The following NCF2 variants were observed in gnomAD, a reference collection of about 807,000 sequenced individuals.
The protein encoded by NCF2 is neutrophil cytosolic factor 2, also known as neutrophil cytosol factor 2.
A neutral mutation model predicts 70.9 loss-of-function variants in NCF2; 45 were observed. The observed-to-expected ratio is 0.63, with a 90% CI of 0.50 to 0.81. The LOEUF (loss-of-function observed/expected upper bound fraction) is 0.81. NCF2 is among the 40% of genes least tolerant of loss of function. NCF2 has a pLI of 0.00. For synonymous variants in NCF2, 203 were observed against 233.6 expected, an observed-to-expected ratio of 0.87 and a Z score of 1.19; for missense variants, 522 against 631.6, an observed-to-expected ratio of 0.83 and a Z score of 1.86.
At chr1:183,601,385 T>C in the NCF2 span, among the ~76,000 whole-genome samples, 1 of 152,248 alleles carries the variant, frequency 6.6e-6, no homozygotes, top group Non-Finnish European at 1.5e-5. Flanking sequence ...GTGAGGAATG[T>C]TCTTGTATAT....
Position 183,563,177 on chromosome 1 carries a change from G to GC in NCF2, c.1290+17dup. 2 of 1,604,912 alleles carry GC rather than the reference G, an allele frequency of 1.2e-6. No individual in the cohort carries two copies. Among genetic ancestry groups the GC allele is most frequent in the Non-Finnish European group, 1.7e-6 (2 of 1,171,594 alleles). On this transcript the variant is annotated intron_variant, in intron 13 of 14. Coordinates refer to ENST00000367535, the MANE Select transcript of NCF2 (RefSeq NM_000433.4). The stretch of plus-strand genomic sequence containing the variant: ...GCTCAGTGGAAATGTAACTTTAGAT[G>GC]CCCCTCATTGCACTCACCACTGTGT...
intron 4 of NCF2, among the ~76,000 whole-genome samples, chr1:183,574,037 C>T (rs1672689142): frequency 6.6e-6 from 1 of 152,242 alleles, no homozygotes; most frequent in Non-Finnish European, 1.5e-5. Flanking sequence ...CTGCAGTGAG[C>T]TGAGATCACA....
rs758239702 is a variant in NCF2 at position 183,573,266 on chromosome 1, C to T, written c.528G>A (p.Val176=). 50 of 1,614,048 alleles carry T rather than the reference C, an allele frequency of 3.1e-5. No individual in the cohort carries two copies. Among genetic ancestry groups the T allele is most frequent in the Non-Finnish European group, 4.2e-5 (49 of 1,180,006 alleles). ...GTCGAAACAGCTTGCCCACAGGGAT[C>T]ACCACTGGCTCATATAGCTTCTGCT... The part of the protein sequence containing the change: ...VWKQKLYEPV[V]IPVGKLFRPN... Residue 176 remains valine (V), a synonymous_variant, in exon 5 of 15, where the codon GTG becomes GTA. Coordinates refer to ENST00000367535, the MANE Select transcript of NCF2 (RefSeq NM_000433.4).
the NCF2 span, among the ~76,000 whole-genome samples, chr1:183,599,912 C>G: frequency 6.6e-6 from 1 of 152,020 alleles, no homozygotes; most frequent in Non-Finnish European, 1.5e-5. Context: ...TGCCATCTAC[C>G]AATATCAGTA....
At chr1:183,561,007 A>G (rs1672020443) in intron 13 of NCF2, among the ~76,000 whole-genome samples, 2 of 152,224 alleles carry the variant, frequency 1.3e-5, no homozygotes, top group South Asian at 4.1e-4. Flanking sequence ...CTGAAGGTGA[A>G]TCCTGCAATC....
At position 183,556,111 on chromosome 1, in the gene NCF2, A is replaced by G. The variant is rs370795833; in HGVS notation, c.*7T>C. On this transcript the variant is annotated 3_prime_UTR_variant, in exon 15 of 15. Coordinates refer to ENST00000367535, the MANE Select transcript of NCF2 (RefSeq NM_000433.4). Reference sequence around the variant, plus strand: ...ATTTTCTTCAGCTTTGTAGTTTGTGAAACATCCTAGACTTCTCTCCGAGTG... The same window carrying G: ...ATTTTCTTCAGCTTTGTAGTTTGTGGAACATCCTAGACTTCTCTCCGAGTG... 3.7e-6 allele frequency: 6 copies of G among 1,611,476 alleles called. No homozygotes were observed.
At chr1:183,564,131 C>G in intron 10 of NCF2, 101 bp from the exon 11 acceptor site, 1 of 1,151,622 alleles carries the variant, frequency 8.7e-7, no homozygotes, top group South Asian at 1.2e-5. Context: ...AATAGGGCCC[C>G]CAACCTCTTA....
chr1:183,589,283 C>T (rs1218653018), intron 1 of NCF2, among the ~76,000 whole-genome samples: 2 of 152,184 alleles, frequency 1.3e-5, no homozygotes, highest in Non-Finnish European at 2.9e-5. Context: ...AACTCTTATA[C>T]AGTGGTGTGA....
chr1:183,573,840 TG>T (rs763373300), intron 4 of NCF2, among the ~76,000 whole-genome samples: 19 of 152,220 alleles, frequency 1.2e-4, no homozygotes, highest in Admixed American at 1.1e-3. Context: ...CTGTAATCCC[TG>T]CACTTTGGGA....
chr1:183,599,425 T>TCTTTCTTTCTTTCTTTCTTTCTTTCTTTC, the NCF2 span, among the ~76,000 whole-genome samples: 6 of 75,956 alleles, frequency 7.9e-5, 1 homozygote, highest in African/African-American at 2.7e-4. Flanking sequence ...TTTCTTTCCT[T>TCTTTCTTTCTTTCTTTCTTTCTTTCTTTC]CTTTCTTTCT....
chr1:183,555,975 A>T lies in NCF2; in HGVS notation c.*143T>A. On this transcript the variant is annotated 3_prime_UTR_variant, in exon 15 of 15. Transcript: ENST00000367535. ...ATCCTGGGTACTCACATCATTGTCT[A>T]GTAGGTTAAATTTTAACAGGGAATA... The T allele has an allele frequency of 2.7e-6, 2 of 749,402 alleles. No individual in the cohort carries two copies. Among genetic ancestry groups the T allele is most frequent in the Non-Finnish European group, 4.7e-6 (2 of 427,440 alleles). 46.4% of individuals were successfully genotyped at this position (749,402 alleles called of 1,614,324 possible).
chr1:183,588,559 A>C (rs978210903), intron 1 of NCF2, among the ~76,000 whole-genome samples: 2 of 151,950 alleles, frequency 1.3e-5, no homozygotes, highest in African/African-American at 4.8e-5. Flanking sequence ...ATTCCTATGA[A>C]TGTATTGAAC....
intron 1 of NCF2, among the ~76,000 whole-genome samples, chr1:183,589,182 G>C (rs1673521825): frequency 6.6e-6 from 1 of 152,204 alleles, no homozygotes; most frequent in South Asian, 2.1e-4. Flanking sequence ...TACTGTTGGA[G>C]TGTGGAAGGG....
At chr1:183,581,566 C>G (rs1055506838) in intron 2 of NCF2, among the ~76,000 whole-genome samples, 1 of 151,906 alleles carries the variant, frequency 6.6e-6, no homozygotes, top group Non-Finnish European at 1.5e-5. Context: ...TGGGTTCAAG[C>G]AATCCTCCCA....
Position 183,573,304 on chromosome 1 carries a change from A to G in NCF2, c.502-12T>C. The G allele has an allele frequency of 1.2e-6, 2 of 1,610,764 alleles. No individual in the cohort carries two copies. Among genetic ancestry groups the G allele is most frequent in the Non-Finnish European group, 1.7e-6 (2 of 1,176,916 alleles). ...TATAGCTTCTGCTTCTGTAACACAG[A>G]AAACGTAGCATTCCCTTATGTGAAA... is the stretch of plus-strand genomic sequence containing the variant. On this transcript the variant is annotated splice_polypyrimidine_tract_variant and intron_variant, in intron 4 of 14. Coordinates refer to ENST00000367535, the MANE Select transcript of NCF2 (RefSeq NM_000433.4).
chr1:183,599,434 C>CTT, the NCF2 span, among the ~76,000 whole-genome samples: 1 of 92,256 alleles, frequency 1.1e-5, no homozygotes, highest in African/African-American at 3.8e-5. Context: ...TTCTTTCTTT[C>CTT]TTTCTTTCTT....
intron 14 of NCF2, among the ~76,000 whole-genome samples, chr1:183,556,947 T>G (rs891031392): frequency 2.0e-5 from 3 of 152,220 alleles, no homozygotes; most frequent in African/African-American, 7.2e-5. Flanking sequence ...TTTAGTAAAC[T>G]TTCTTCTTTT....
intron 7 of NCF2, 23 bp from the exon 8 acceptor site, chr1:183,567,368 C>G (rs1301009210): frequency 6.2e-7 from 1 of 1,613,550 alleles, no homozygotes; most frequent in East Asian, 2.2e-5. Flanking sequence ...GACACAAGAT[C>G]CAGCCCCCAT....
At chr1:183,558,243 TTTTTAA>T (rs765634116) in intron 14 of NCF2, among the ~76,000 whole-genome samples, 197 of 152,014 alleles carry the variant, frequency 1.3e-3, no homozygotes, top group Non-Finnish European at 2.0e-3. Context: ...ATTAACTTTT[TTTTTAA>T]TTTTAATTTT....
Sources: gnomAD v4.1 joint callset for allele counts (sites outside exome capture counted in the v4.1 genomes callset) on GRCh38, gnomAD v4.1.1 for gene constraint, MANE v1.5 for transcripts, NCBI Gene and HGNC (gene_info 2026-07-23, HGNC 2026-07-21) for gene names.